The following ADGRB3 variants were observed in gnomAD, a reference collection of about 807,000 sequenced individuals.
ADGRB3 encodes adhesion G protein-coupled receptor B3.
In ADGRB3, 37 loss-of-function variants were observed where a neutral mutation model predicts 193.4. The ratio of observed to expected loss-of-function variants is 0.19; its 90% CI spans 0.15 to 0.25. ADGRB3 has a LOEUF of 0.25. Ranked by LOEUF, ADGRB3 falls within the 10% of genes least tolerant of loss-of-function variation. ADGRB3 has a pLI of 1.00. For synonymous variants in ADGRB3, 690 were observed against 644.2 expected (o/e 1.07, Z -1.08); for missense variants, 1,637 against 1,852.9 (o/e 0.88, Z 2.14).
chr6:69,304,098 TAA>T lies in ADGRB3; in HGVS notation c.2815-20767_2815-20766del, dbSNP rs67541326. ...TCAACCAAAATACAAGGGTTTTTTT[TAA>T]AAAAAAGAGGTTATATAATTATTTT... On this transcript the variant is annotated intron_variant, in intron 20 of 31. Coordinates refer to ENST00000370598, the MANE Select transcript of ADGRB3 (RefSeq NM_001704.3). Among the ~76,000 whole-genome samples, 147 of 150,880 alleles carry T rather than the reference TAA, an allele frequency of 9.7e-4. 2 individuals carry two copies. The Middle Eastern group carries it at 0.014, about 14-fold the overall frequency.
chr6:68,683,031 C>T (rs1192486440), intron 3 of ADGRB3, among the ~76,000 whole-genome samples: 1 of 152,038 alleles, frequency 6.6e-6, no homozygotes, highest in Non-Finnish European at 1.5e-5. Flanking sequence ...GTGATCCAAC[C>T]ACCTTGGCCT....
At chr6:68,821,883 C>T (rs1767753882) in intron 3 of ADGRB3, among the ~76,000 whole-genome samples, 1 of 151,840 alleles carries the variant, frequency 6.6e-6, no homozygotes, top group African/African-American at 2.4e-5. Context: ...GTGTATTATA[C>T]ATAGTATGCG....
chr6:68,824,081 A>G (rs1320441773), intron 3 of ADGRB3, among the ~76,000 whole-genome samples: 3 of 152,124 alleles, frequency 2.0e-5, no homozygotes, highest in Non-Finnish European at 2.9e-5. Flanking sequence ...CCTGAATCTG[A>G]GGCATGTCCT....
intron 30 of ADGRB3, among the ~76,000 whole-genome samples, chr6:69,373,824 A>G (rs913372418): frequency 6.6e-6 from 1 of 152,120 alleles, no homozygotes; most frequent in Admixed American, 6.6e-5. Context: ...GCGGCAAAAT[A>G]TAGTAAAAAC....
chr6:69,297,788 A>C (rs532850530), intron 20 of ADGRB3, among the ~76,000 whole-genome samples: 1 of 152,174 alleles, frequency 6.6e-6, no homozygotes, highest in South Asian at 2.1e-4. Context: ...ATTATGATAC[A>C]TGTTTTATAT....
chr6:69,106,376 T>C (rs560978628), intron 17 of ADGRB3, among the ~76,000 whole-genome samples: 2 of 152,224 alleles, frequency 1.3e-5, no homozygotes, highest in East Asian at 3.9e-4. Context: ...AACGGTGGTG[T>C]ATGACAGGTC....
At position 68,640,562 on chromosome 6, in the gene ADGRB3, C is replaced by T. The variant is rs558634592; in HGVS notation, c.757+1130C>T. ...TGATTTCTTATGCAGGAAATGTTTT[C>T]TGATTGCCACAAAGATCCCAGTCTG... On this transcript the variant is annotated intron_variant, in intron 3 of 31. Transcript: ENST00000370598. 1.6e-4 allele frequency among the ~76,000 whole-genome samples: 24 copies of T among 152,290 alleles called. No homozygotes were observed. The South Asian group carries it at 5.0e-3, about 32-fold the overall frequency.
chr6:68,837,216 G>A (rs1768063307), intron 3 of ADGRB3, among the ~76,000 whole-genome samples: 1 of 152,234 alleles, frequency 6.6e-6, no homozygotes, highest in Non-Finnish European at 1.5e-5. Context: ...CTGAAGTATA[G>A]GAAATAATTA....
At chr6:69,029,444 T>C (rs1176270803) in intron 13 of ADGRB3, among the ~76,000 whole-genome samples, 1 of 152,210 alleles carries the variant, frequency 6.6e-6, no homozygotes, top group Admixed American at 6.5e-5. Context: ...AACCTTTCAT[T>C]CTAAGGCACA....
chr6:68,823,264 A>G (rs570767767), intron 3 of ADGRB3, among the ~76,000 whole-genome samples: 2 of 152,140 alleles, frequency 1.3e-5, no homozygotes, highest in Non-Finnish European at 2.9e-5. Flanking sequence ...TACATTTGCT[A>G]TTTTTATATT....
chr6:69,014,167 C>A, intron 12 of ADGRB3, 61 bp downstream of exon 12: 2 of 1,187,440 alleles, frequency 1.7e-6, no homozygotes, highest in Non-Finnish European at 2.4e-6. Context: ...AAATATGTGA[C>A]TAAATTAATG....
intron 3 of ADGRB3, among the ~76,000 whole-genome samples, chr6:68,641,326 G>C (rs1057250567): frequency 6.6e-6 from 1 of 152,092 alleles, no homozygotes; most frequent in Non-Finnish European, 1.5e-5. Context: ...CGAGATGTGG[G>C]TTAAGATAAT....
At chr6:68,897,825 AAGG>A (rs1244617752) in intron 3 of ADGRB3, among the ~76,000 whole-genome samples, 6 of 150,320 alleles carry the variant, frequency 4.0e-5, no homozygotes, top group Non-Finnish European at 8.9e-5. Flanking sequence ...AAAAGGAAGG[AAGG>A]AGAGAAAAAG....
At chr6:69,373,245 T>C (rs1271433890) in intron 30 of ADGRB3, among the ~76,000 whole-genome samples, 1 of 152,022 alleles carries the variant, frequency 6.6e-6, no homozygotes, top group Non-Finnish European at 1.5e-5. Flanking sequence ...TACATAGAAC[T>C]CAATACTCTT....
chr6:69,029,358 G>A (rs1000049176), intron 13 of ADGRB3, among the ~76,000 whole-genome samples: 18 of 152,114 alleles, frequency 1.2e-4, no homozygotes, highest in African/African-American at 4.1e-4. Flanking sequence ...TCATGAAAAA[G>A]TGAACTTATT....
intron 17 of ADGRB3, among the ~76,000 whole-genome samples, chr6:69,201,798 AC>A (rs1191494478): frequency 6.6e-6 from 1 of 152,034 alleles, no homozygotes; most frequent in Non-Finnish European, 1.5e-5. Context: ...CCCTGAATGG[AC>A]TATTTCAACT....
intron 17 of ADGRB3, among the ~76,000 whole-genome samples, chr6:69,180,837 C>T (rs577596368): frequency 6.6e-6 from 1 of 152,298 alleles, no homozygotes; most frequent in Non-Finnish European, 1.5e-5. Context: ...CCTGCATGAC[C>T]AGCCTGCTGG....
intron 17 of ADGRB3, among the ~76,000 whole-genome samples, chr6:69,210,109 TAC>T (rs151244765): frequency 4.5e-5 from 6 of 134,456 alleles, no homozygotes; most frequent in Non-Finnish European, 6.3e-5. Flanking sequence ...TGTATATAGA[TAC>T]ACACACACAC....
At chr6:69,055,887 T>A (rs1358031800) in intron 15 of ADGRB3, among the ~76,000 whole-genome samples, 2 of 152,136 alleles carry the variant, frequency 1.3e-5, no homozygotes, top group Non-Finnish European at 2.9e-5. Flanking sequence ...TAGAGTGCAG[T>A]GGTACAGATC....
Sources: allele counts gnomAD v4.1 joint callset (sites outside exome capture counted in the v4.1 genomes callset), GRCh38; gene constraint gnomAD v4.1.1; transcripts MANE v1.5; gene names NCBI Gene and HGNC (gene_info 2026-07-23, HGNC 2026-07-21).